The following TMEM233 variants were observed in gnomAD, a reference collection of about 807,000 sequenced individuals.
TMEM233 encodes dispanin subfamily B member 2.
Under a neutral mutation model 11.2 loss-of-function variants are expected in TMEM233, and 6 were observed. That is an observed-to-expected ratio of 0.54 (90% CI 0.29 to 1.06). The LOEUF is 1.06. TMEM233 is among the 50% of genes least tolerant of loss of function. The probability of loss-of-function intolerance (pLI) is 0.08; values close to 1 mark genes in which losing one functional copy is unlikely to be tolerated. For missense variants in TMEM233, 127 were observed against 144.7 expected (o/e 0.88, Z 0.63); for synonymous variants, 59 against 55.8 (o/e 1.06, Z -0.26).
chr12:119,604,790 G>A (rs1311825048), intron 1 of TMEM233, among the ~76,000 whole-genome samples: 1 of 152,048 alleles, frequency 6.6e-6, no homozygotes. Flanking sequence ...GAGCCACTAT[G>A]CCTGGCTAAT....
At chr12:119,645,607 G>C (rs1437302173), downstream of TMEM233, among the ~76,000 whole-genome samples, 1 of 152,134 alleles carries the variant, frequency 6.6e-6, no homozygotes, top group Non-Finnish European at 1.5e-5. Flanking sequence ...ATTTATCAGG[G>C]GTCAGGAGAG....
chr12:119,608,984 C>G (rs1954339980), intron 1 of TMEM233, among the ~76,000 whole-genome samples: 1 of 151,960 alleles, frequency 6.6e-6, no homozygotes, highest in Non-Finnish European at 1.5e-5. Context: ...TAAGGATACG[C>G]AAAAATGTGG....
At chr12:119,626,530 G>A (rs1954764776) in intron 1 of TMEM233, among the ~76,000 whole-genome samples, 1 of 71,274 alleles carries the variant, frequency 1.4e-5, no homozygotes, top group Non-Finnish European at 2.9e-5. Flanking sequence ...GAAGGGAGAA[G>A]GGAGAAGGGA....
chr12:119,623,840 A>G (rs1334324656), intron 1 of TMEM233, among the ~76,000 whole-genome samples: 1 of 152,202 alleles, frequency 6.6e-6, no homozygotes, highest in African/African-American at 2.4e-5. Flanking sequence ...CCCCCGATTT[A>G]CAGATGAGGG....
At chr12:119,653,985 AC>A in the TMEM233 span, among the ~76,000 whole-genome samples, 1,798 of 142,644 alleles carry the variant, frequency 0.013, 87 homozygotes, top group East Asian at 0.15. Context: ...AAAAAAAAAA[AC>A]AAAAACCCAA....
chr12:119,604,621 G>T (rs907311351), intron 1 of TMEM233, among the ~76,000 whole-genome samples: 35 of 151,760 alleles, frequency 2.3e-4, no homozygotes, highest in African/African-American at 7.0e-4. Context: ...GGTTTGGTTG[G>T]TTTTTGTTGT....
chr12:119,653,635 T>A, the TMEM233 span, among the ~76,000 whole-genome samples: 15 of 151,870 alleles, frequency 9.9e-5, no homozygotes, highest in Non-Finnish European at 2.2e-4. Context: ...AAAAATTTTT[T>A]AAAAACCCCT....
At chr12:119,639,837 T>TAG (rs1431284147) in intron 2 of TMEM233, among the ~76,000 whole-genome samples, 9 of 152,272 alleles carry the variant, frequency 5.9e-5, no homozygotes, top group Non-Finnish European at 1.2e-4. Context: ...CCTGGCACTC[T>TAG]GTACTCACTA....
At chr12:119,601,484 G>A (rs1406495769) in intron 1 of TMEM233, among the ~76,000 whole-genome samples, 2 of 151,818 alleles carry the variant, frequency 1.3e-5, no homozygotes, top group African/African-American at 4.8e-5. Flanking sequence ...GTGAAACCCT[G>A]TCTCTACTAA....
chr12:119,604,151 T>C (rs1364883541), intron 1 of TMEM233, among the ~76,000 whole-genome samples: 3 of 152,242 alleles, frequency 2.0e-5, no homozygotes, highest in Non-Finnish European at 4.4e-5. Flanking sequence ...TGAACATACC[T>C]GAGAATGTCC....
intron 1 of TMEM233, among the ~76,000 whole-genome samples, chr12:119,597,180 TC>T (rs1480288792): frequency 2.0e-5 from 3 of 152,192 alleles, no homozygotes; most frequent in Non-Finnish European, 4.4e-5. Flanking sequence ...GGCGTTTGCT[TC>T]CCCTAGGGTC....
At chr12:119,635,500 T>G (rs1466368474) in intron 2 of TMEM233, among the ~76,000 whole-genome samples, 1 of 152,226 alleles carries the variant, frequency 6.6e-6, no homozygotes, top group African/African-American at 2.4e-5. Context: ...TTTTCTTCTC[T>G]TATACACTCA....
chr12:119,627,068 G>A (rs950371434), intron 1 of TMEM233, among the ~76,000 whole-genome samples: 5 of 152,206 alleles, frequency 3.3e-5, no homozygotes, highest in East Asian at 1.9e-4. Context: ...TGGGGAAGGC[G>A]GACAAGCTTC....
chr12:119,621,551 T>C, intron 1 of TMEM233, among the ~76,000 whole-genome samples: 1 of 152,226 alleles, frequency 6.6e-6, no homozygotes, highest in East Asian at 1.9e-4. Context: ...CCTGTGTGTG[T>C]GTACAATTAC....
chr12:119,626,495 A>AAT, intron 1 of TMEM233, among the ~76,000 whole-genome samples: 1 of 121,836 alleles, frequency 8.2e-6, no homozygotes, highest in African/African-American at 3.6e-5. Flanking sequence ...AAGAAGAAAA[A>AAT]GGAGGAGGAG....
chr12:119,612,544 C>T (rs965267175), intron 1 of TMEM233, among the ~76,000 whole-genome samples: 34 of 152,134 alleles, frequency 2.2e-4, no homozygotes, highest in Admixed American at 1.2e-3. Context: ...GTCAGGAGAT[C>T]AAGACCATCC....
At chr12:119,609,725 C>T (rs530450048) in intron 1 of TMEM233, among the ~76,000 whole-genome samples, 7 of 152,308 alleles carry the variant, frequency 4.6e-5, no homozygotes, top group Admixed American at 6.5e-5. Context: ...TGAGGGTGCA[C>T]AGAAGTCAAG....
At chr12:119,616,940 G>T (rs1954549798) in intron 1 of TMEM233, among the ~76,000 whole-genome samples, 1 of 152,132 alleles carries the variant, frequency 6.6e-6, no homozygotes, top group African/African-American at 2.4e-5. Context: ...GTTTCCTGAG[G>T]CCTCCCCAGC....
intron 1 of TMEM233, among the ~76,000 whole-genome samples, chr12:119,610,809 G>T (rs2136703876): frequency 6.6e-6 from 1 of 152,208 alleles, no homozygotes; most frequent in East Asian, 1.9e-4. Flanking sequence ...GCGTGAAAAT[G>T]GATTAATACA....
Sources: gnomAD v4.1 joint callset for allele counts (sites outside exome capture counted in the v4.1 genomes callset) on GRCh38, gnomAD v4.1.1 for gene constraint, MANE v1.5 for transcripts, NCBI Gene and HGNC (gene_info 2026-07-23, HGNC 2026-07-21) for gene names.